SAG: variants seen among roughly 807,000 people sequenced by gnomAD.
SAG encodes the protein S-arrestin.
A neutral mutation model predicts 55.0 loss-of-function variants in SAG; 45 were observed. The observed-to-expected ratio is 0.82, with a 90% CI of 0.64 to 1.05. SAG has a LOEUF of 1.05. SAG is among the 50% of genes least tolerant of loss of function. The pLI is 0.00. For synonymous variants in SAG, 189 were observed against 197.4 expected (o/e 0.96, Z 0.36); for missense variants, 455 against 512.1 (o/e 0.89, Z 1.08).
intron 4 of SAG, 76 bp downstream of exon 4, chr2:233,318,871 A>G (rs541970475): frequency 7.8e-7 from 1 of 1,285,838 alleles, no homozygotes; most frequent in South Asian, 1.2e-5. Context: ...GGGAAGGGGC[A>G]TTTACATGGA....
At chr2:233,316,901 C>T (rs1400314616) in intron 3 of SAG, among the ~76,000 whole-genome samples, 3 of 151,982 alleles carry the variant, frequency 2.0e-5, no homozygotes, top group African/African-American at 7.3e-5. Context: ...CAGTTTTTTG[C>T]CATTACTTTC....
At chr2:233,328,711 G>A in intron 8 of SAG, 98 bp downstream of exon 8, 1 of 1,311,362 alleles carries the variant, frequency 7.6e-7, no homozygotes, top group Non-Finnish European at 1.0e-6. Context: ...CTACATGGGT[G>A]CCTTGCAAGG....
intron 5 of SAG, 43 bp downstream of exon 5, chr2:233,320,866 C>T (rs759438457): frequency 8.7e-6 from 13 of 1,501,392 alleles, no homozygotes. Context: ...TCACCCGCAG[C>T]ACCTTATCAT....
At chr2:233,341,089 T>C (rs10803625) in intron 13 of SAG, among the ~76,000 whole-genome samples, 68,167 of 152,094 alleles carry the variant, frequency 0.45, 16,510 homozygotes, top group South Asian at 0.6. Context: ...GCTGGGATTA[T>C]AGATATGAGC....
intron 6 of SAG, among the ~76,000 whole-genome samples, chr2:233,323,849 C>T (rs981610939): frequency 7.2e-5 from 11 of 152,134 alleles, no homozygotes; most frequent in Admixed American, 2.0e-4. Context: ...CCGAGAGCAC[C>T]AGGTAAACCC....
Position 233,309,251 on chromosome 2 carries a change from C to G in SAG, c.62C>G (p.Ser21Cys). The G allele has an allele frequency of 6.2e-7, 1 of 1,613,420 alleles. No individual in the cohort carries two copies. Among genetic ancestry groups the G allele is most frequent in the Non-Finnish European group, 8.5e-7 (1 of 1,179,506 alleles). Residue 21 changes from serine to cysteine, a missense_variant, in exon 2 of 16, where the codon TCC becomes TGC. Physicochemically the swap from Ser to Cys is moderately radical, Grantham distance 112 (BLOSUM62 -1). Coordinates refer to ENST00000409110, the MANE Select transcript of SAG (RefSeq NM_000541.5). The part of the protein sequence containing the change: ...EPNHVIFKKI[S>C]RDKSVTIYLG... Reference sequence around the variant, plus strand: ...AACCATGTTATCTTCAAGAAGATCTCCCGGGACAAATCGGTGAGTGGTGCA... The same window carrying G: ...AACCATGTTATCTTCAAGAAGATCTGCCGGGACAAATCGGTGAGTGGTGCA...
At chr2:233,335,187 GGCAC>G in intron 11 of SAG, 88 bp downstream of exon 11, 1 of 1,495,464 alleles carries the variant, frequency 6.7e-7, no homozygotes, top group Non-Finnish European at 9.0e-7. Context: ...TGGGCTCGCA[GGCAC>G]GCACGTGCAG....
chr2:233,317,687 T>C lies in SAG; in HGVS notation c.137-1064T>C, dbSNP rs570928167. Among the ~76,000 whole-genome samples the C allele has an allele frequency of 3.3e-4, 51 of 152,240 alleles. 1 individual carries two copies. In the Middle Eastern group the frequency reaches 0.014, roughly 41 times the overall value. ...ACAATATTAATTACAATGGGAAAAA[T>C]TGGAAACAACCTAGATGCCCTAACA... On this transcript the variant is annotated intron_variant, in intron 3 of 15. Transcript: ENST00000409110.
chr2:233,331,731 T>C lies in SAG; in HGVS notation c.806+19T>C, dbSNP rs1700771479. The C allele has an allele frequency of 6.3e-7, 1 of 1,588,966 alleles. No individual in the cohort carries two copies. Among genetic ancestry groups the C allele is most frequent in the Non-Finnish European group, 8.6e-7 (1 of 1,158,184 alleles). The stretch of plus-strand genomic sequence containing the variant: ...AAGCGCAGTGAGTAGCTGTTGGGGT[T>C]TCCGTTTCCTGGGCGTCTCAGCCTT... On this transcript the variant is annotated intron_variant, in intron 10 of 15. Transcript: ENST00000409110.
chr2:233,335,285 G>A (rs1700889611), intron 11 of SAG, among the ~76,000 whole-genome samples, 186 bp downstream of exon 11: 1 of 152,204 alleles, frequency 6.6e-6, no homozygotes, highest in African/African-American at 2.4e-5. Context: ...TGTGATGTGG[G>A]GGTTACACCC....
At chr2:233,320,093 G>A in intron 4 of SAG, 1 of 631,064 alleles carries the variant, frequency 1.6e-6, no homozygotes, top group Non-Finnish European at 2.0e-6. Context: ...AGAGCAGCGT[G>A]AAAAGGAGGC....
chr2:233,313,308 G>C (rs926339207), intron 2 of SAG, among the ~76,000 whole-genome samples: 3 of 152,198 alleles, frequency 2.0e-5, no homozygotes, highest in African/African-American at 7.2e-5. Flanking sequence ...TGTGGTGTTT[G>C]GGGGAGCTGT....
At chr2:233,318,822 T>A in intron 4 of SAG, 27 bp downstream of exon 4, 3 of 1,609,236 alleles carry the variant, frequency 1.9e-6, no homozygotes, top group Non-Finnish European at 2.6e-6. Flanking sequence ...TGTCTCAGGC[T>A]GGTTTCTGGG....
rs759470517 is a variant in SAG, at chr2:233,334,997, C to T, written c.842C>T (p.Thr281Met). The change falls in exon 11 of 16, where the codon ACG becomes ATG. Residue 281 changes from threonine to methionine, a missense_variant. Thr to Met is a moderately conservative substitution (Grantham distance 81). Coordinates refer to ENST00000409110, the MANE Select transcript of SAG (RefSeq NM_000541.5). ...CCACCAAACAGCACTTTGACCAAGA[C>T]GCTGACGCTGCTGCCCTTGCTGGCT... The part of the protein sequence containing the change: ...KVPPNSTLTK[T>M]LTLLPLLANN... 1.4e-5 allele frequency: 22 copies of T among 1,614,032 alleles called. No individual in the cohort carries two copies. The highest frequency in any genetic ancestry group is 4.5e-5 in the East Asian group (2 of 44,892).
intron 12 of SAG, 161 bp downstream of exon 12, chr2:233,338,914 A>T: frequency 1.4e-6 from 1 of 718,400 alleles, no homozygotes; most frequent in Non-Finnish European, 2.5e-6. Context: ...TTTGTCTAGT[A>T]CCATGCTTCT....
rs758720664 is a variant in SAG at position 233,331,686 on chromosome 2, C to T, written c.780C>T (p.Val260=). 1 of 1,613,736 alleles carries T rather than the reference C, an allele frequency of 6.2e-7. No homozygotes were observed. The highest frequency in any genetic ancestry group is 8.5e-7 in the Non-Finnish European group (1 of 1,179,700). ...TTCTCTACTCGAGTGATTATTACGT[C>T]AAGCCCGTGGCTATGGAGGAAGCGC... ...NVVLYSSDYY[V]KPVAMEEAQE... The change falls in exon 10 of 16, where the codon GTC becomes GTT. Residue 260 remains valine, a synonymous_variant. Transcript: ENST00000409110.
intron 14 of SAG, 21 bp downstream of exon 14, chr2:233,342,347 G>C (rs1701130938): frequency 1.3e-6 from 2 of 1,576,828 alleles, no homozygotes; most frequent in African/African-American, 2.7e-5. Context: ...TCCTTTTTTA[G>C]CTTTCTTTAA....
chr2:233,346,549 G>A (rs1341646577), intron 15 of SAG, 137 bp downstream of exon 15: 12 of 969,130 alleles, frequency 1.2e-5, no homozygotes, highest in Middle Eastern at 2.1e-4. Context: ...GCTACTTCCC[G>A]TCTGCTCCCT....
chr2:233,329,920 T>C (rs1402436582), intron 9 of SAG, among the ~76,000 whole-genome samples: 4 of 152,228 alleles, frequency 2.6e-5, no homozygotes, highest in African/African-American at 4.8e-5. Flanking sequence ...ACTCATGCTG[T>C]GGGCTCTGTG....
Sources: allele counts gnomAD v4.1 joint callset (sites outside exome capture counted in the v4.1 genomes callset), GRCh38; gene constraint gnomAD v4.1.1; transcripts MANE v1.5; gene names NCBI Gene and HGNC (gene_info 2026-07-23, HGNC 2026-07-21).